ODR4: variants seen among roughly 807,000 people sequenced by gnomAD.
The protein encoded by ODR4 is protein odr-4 homolog.
ODR4 carries 47 observed loss-of-function variants against 60.2 expected under a neutral mutation model. That is an observed-to-expected ratio of 0.78 (90% CI 0.62 to 1.00). The LOEUF is 1.00. Among genes scored for constraint, ODR4 ranks in the 50% least tolerant of loss-of-function variants. The pLI, the probability that ODR4 is intolerant of heterozygous loss-of-function variation, is 0.00. For synonymous variants in ODR4, 178 were observed against 175.5 expected, an observed-to-expected ratio of 1.01 and a Z score of -0.11; for missense variants, 488 against 530.8, an observed-to-expected ratio of 0.92 and a Z score of 0.79.
Position 186,398,946 on chromosome 1 carries a change from C to T in ODR4, c.910-8C>T. Reference sequence around the variant, plus strand: ...CTTACTGTGTTTTTTGTGTGTTTTTCCCTGTAGGCAGTAAAGAGGGATATA... The same window carrying T: ...CTTACTGTGTTTTTTGTGTGTTTTTTCCTGTAGGCAGTAAAGAGGGATATA... On this transcript the variant is annotated splice_polypyrimidine_tract_variant and splice_region_variant and intron_variant, in intron 10 of 13. Transcript: ENST00000287859. 1 of 1,581,446 alleles carries T rather than the reference C, an allele frequency of 6.3e-7. No individual in the cohort carries two copies. The highest frequency in any genetic ancestry group is 8.6e-7 in the Non-Finnish European group (1 of 1,162,568).
intron 3 of ODR4, among the ~76,000 whole-genome samples, chr1:186,384,366 A>G (rs1660164784): frequency 1.3e-5 from 2 of 152,222 alleles, no homozygotes; most frequent in South Asian, 2.1e-4. Flanking sequence ...GGATGGAACC[A>G]AGCCATTAAT....
In ODR4 at chr1:186,418,916, C is replaced by G. The variant is rs546608231; in HGVS notation, c.1298-93C>G. 2.1e-4 allele frequency: 215 copies of G among 1,011,940 alleles called. No homozygotes were observed. In the African/African-American group the frequency reaches 3.1e-3, roughly 14 times the overall value. 62.7% of individuals were successfully genotyped at this position (1,011,940 alleles called of 1,614,324 possible). A position where few individuals can be genotyped will look rare whatever the true frequency, so the allele number is the denominator to read the frequency against. ...TGTGTTTGTGTATTGTTTTTTAGGC[C>G]CATCAGTTACCCACATTTCAGAGCC... On this transcript the variant is annotated intron_variant, in intron 13 of 13. Coordinates refer to ENST00000287859, the MANE Select transcript of ODR4 (RefSeq NM_017847.6).
downstream of ODR4, among the ~76,000 whole-genome samples, chr1:186,424,428 A>G (rs993454155): frequency 6.6e-6 from 1 of 152,184 alleles, no homozygotes; most frequent in Non-Finnish European, 1.5e-5. Context: ...ATAAAACAAT[A>G]TTAGTGATAC....
intron 12 of ODR4, among the ~76,000 whole-genome samples, chr1:186,408,190 A>G (rs3119334): frequency 0.036 from 5,541 of 152,214 alleles, 118 homozygotes; most frequent in Non-Finnish European, 0.049. Flanking sequence ...TAACTTTTCA[A>G]AGTTACATTG....
At chr1:186,377,206 A>G (rs1215883214) in intron 1 of ODR4, among the ~76,000 whole-genome samples, 1 of 152,234 alleles carries the variant, frequency 6.6e-6, no homozygotes, top group Non-Finnish European at 1.5e-5. Flanking sequence ...GACAAGAAAA[A>G]ACATCTTTAA....
At chr1:186,414,481 T>G (rs940140247) in intron 12 of ODR4, among the ~76,000 whole-genome samples, 1 of 151,826 alleles carries the variant, frequency 6.6e-6, no homozygotes, top group East Asian at 1.9e-4. Flanking sequence ...TTATCTGATA[T>G]AAGGATTTTA....
chr1:186,416,074 A>AT lies in ODR4; in HGVS notation c.1187-1460dup, dbSNP rs921131605. Among the ~76,000 whole-genome samples, 59 of 148,168 alleles carry AT rather than the reference A, an allele frequency of 4.0e-4. 1 individual carries two copies. The East Asian group carries it at 5.9e-3, about 15-fold the overall frequency. ...GTGAGCCGCATAAGGTCTTTTTCAC[A>AT]TTTTTTTTTTACAGTCTTTTAAAAA... is the stretch of plus-strand genomic sequence containing the variant. On this transcript the variant is annotated intron_variant, in intron 12 of 13. Coordinates refer to ENST00000287859, the MANE Select transcript of ODR4 (RefSeq NM_017847.6).
intron 1 of ODR4, among the ~76,000 whole-genome samples, chr1:186,376,753 C>CCACA (rs1659786606): frequency 6.6e-6 from 1 of 152,096 alleles, no homozygotes; most frequent in African/African-American, 2.4e-5. Flanking sequence ...TGTCCTAAGC[C>CCACA]CACAGTATTA....
chr1:186,426,855 A>AT, the ODR4 span, among the ~76,000 whole-genome samples: 7 of 151,424 alleles, frequency 4.6e-5, no homozygotes, highest in Non-Finnish European at 7.4e-5. Context: ...TCAAGTCACA[A>AT]TTTTTTTTTG....
At chr1:186,433,301 G>C in the ODR4 span, among the ~76,000 whole-genome samples, 4 of 151,600 alleles carry the variant, frequency 2.6e-5, no homozygotes, top group South Asian at 8.3e-4. Flanking sequence ...CCAAAGTTTT[G>C]ATATAAAATA....
At position 186,401,148 on chromosome 1, in the gene ODR4, T is replaced by C. The variant is rs776984930; in HGVS notation, c.1000+2104T>C. ...TTATAAAAGTGGTATTATATGGCTA[T>C]CCTGGTATTCTTTCATATTGTTAGT... On this transcript the variant is annotated intron_variant, in intron 11 of 13. Transcript: ENST00000287859. 3 of 1,596,436 alleles carry C rather than the reference T, an allele frequency of 1.9e-6. No homozygotes were observed. In the South Asian group the frequency reaches 3.3e-5, roughly 18 times the overall value.
At chr1:186,376,306 A>C (rs539848161) in intron 1 of ODR4, among the ~76,000 whole-genome samples, 1 of 152,284 alleles carries the variant, frequency 6.6e-6, no homozygotes, top group South Asian at 2.1e-4. Flanking sequence ...TTAAAATTGA[A>C]AACTGTTGTA....
chr1:186,384,292 C>CT (rs143858607), intron 3 of ODR4, among the ~76,000 whole-genome samples: 7,249 of 147,284 alleles, frequency 0.049, 194 homozygotes, highest in African/African-American at 0.061. Flanking sequence ...AGGTGCTAGG[C>CT]TTTTTTTTTT....
At chr1:186,412,378 G>C (rs1475134191) in intron 12 of ODR4, among the ~76,000 whole-genome samples, 1 of 152,126 alleles carries the variant, frequency 6.6e-6, no homozygotes, top group Non-Finnish European at 1.5e-5. Context: ...TGACATTTGA[G>C]TTCGTTTTGA....
At chr1:186,411,010 T>G (rs1164068419) in intron 12 of ODR4, among the ~76,000 whole-genome samples, 3 of 150,766 alleles carry the variant, frequency 2.0e-5, no homozygotes, top group African/African-American at 7.3e-5. Context: ...AGCAAAACTC[T>G]GTCTCAAAAA....
intron 1 of ODR4, among the ~76,000 whole-genome samples, chr1:186,378,393 C>G (rs1049512581): frequency 1.8e-4 from 28 of 152,164 alleles, no homozygotes; most frequent in African/African-American, 6.8e-4. Flanking sequence ...GATATCATCT[C>G]TTTTACATTT....
At chr1:186,401,191 GAT>G in intron 11 of ODR4, 1 of 1,575,694 alleles carries the variant, frequency 6.3e-7, no homozygotes, top group Non-Finnish European at 8.7e-7. Context: ...AATTTTTGCT[GAT>G]GTTCAATTAG....
rs1313280597 is a variant in ODR4 at position 186,383,140 on chromosome 1, C to G, written c.218C>G (p.Thr73Arg). The G allele has an allele frequency of 6.5e-7, 1 of 1,550,220 alleles. No homozygotes were observed. The highest frequency in any genetic ancestry group is 2.0e-5 in the Admixed American group (1 of 50,092). The change falls in exon 3 of 14, where the codon ACA becomes AGA. Residue 73 changes from threonine (T) to arginine (R), a missense_variant. Transcript: ENST00000287859. ...GATAACTTGGATGAAGAATGGGCCA[C>G]AGAACATGCCTGCCAGGTTATCTTA... is the stretch of plus-strand genomic sequence containing the variant. The part of the protein sequence containing the change: ...KLDNLDEEWA[T>R]EHACQVSRML...
chr1:186,402,231 T>TTTCTTTCTTTCTTTCCTTCC (rs1459855696), intron 11 of ODR4, among the ~76,000 whole-genome samples: 4 of 149,468 alleles, frequency 2.7e-5, no homozygotes, highest in African/African-American at 1.0e-4. Context: ...TCTTTCTTTC[T>TTTCTTTCTTTCTTTCCTTCC]TTCCTTTCTT....
Sources: gnomAD v4.1 joint callset for allele counts (sites outside exome capture counted in the v4.1 genomes callset) on GRCh38, gnomAD v4.1.1 for gene constraint, MANE v1.5 for transcripts, NCBI Gene and HGNC (gene_info 2026-07-23, HGNC 2026-07-21) for gene names.